Variants in LTBP1 observed in about 807,000 individuals in gnomAD.
The protein encoded by LTBP1 is latent-transforming growth factor beta-binding protein 1.
In LTBP1, 129 loss-of-function variants were observed where a neutral mutation model predicts 207.6. The ratio of observed to expected loss-of-function variants is 0.62; its 90% CI spans 0.54 to 0.72. The LOEUF (loss-of-function observed/expected upper bound fraction) is 0.72, where lower values mean the gene tolerates loss of function less well. Ranked by LOEUF, LTBP1 falls within the 30% of genes least tolerant of loss-of-function variation. LTBP1 has a pLI of 0.00. For missense variants in LTBP1, 2,281 were observed against 2,217.2 expected, an observed-to-expected ratio of 1.03 and a Z score of -0.58; for synonymous variants, 963 against 833.7, an observed-to-expected ratio of 1.16 and a Z score of -2.67.
chr2:33,267,858 G>C (rs1183713673), intron 15 of LTBP1, among the ~76,000 whole-genome samples: 1 of 152,144 alleles, frequency 6.6e-6, no homozygotes, highest in Non-Finnish European at 1.5e-5. Context: ...TGCAGAGCTG[G>C]TTAAAAAAAC....
At chr2:33,215,140 T>TATA (rs200898473) in intron 7 of LTBP1, among the ~76,000 whole-genome samples, 1 of 152,010 alleles carries the variant, frequency 6.6e-6, no homozygotes. Flanking sequence ...AGCTTTTATC[T>TATA]ATAATAATAA....
At chr2:33,091,470 G>C (rs116511611) in intron 3 of LTBP1, among the ~76,000 whole-genome samples, 1 of 152,138 alleles carries the variant, frequency 6.6e-6, no homozygotes. Flanking sequence ...AAGAGCTGAG[G>C]TTCCTACGTA....
intron 5 of LTBP1, among the ~76,000 whole-genome samples, chr2:33,143,698 C>A (rs543685755): frequency 1.3e-5 from 2 of 152,232 alleles, no homozygotes; most frequent in South Asian, 4.1e-4. Flanking sequence ...TTCCTGCTCC[C>A]GCTCTTGCAT....
chr2:33,336,620 C>T (rs1277913845), intron 24 of LTBP1, among the ~76,000 whole-genome samples: 1 of 152,102 alleles, frequency 6.6e-6, no homozygotes, highest in Non-Finnish European at 1.5e-5. Context: ...TATCCATTAC[C>T]AAAAAATGAC....
rs1558324005 is a variant in LTBP1, at chr2:33,378,214, TG to T, written c.4712-10969del. On this transcript the variant is annotated intron_variant, in intron 31 of 33. Transcript: ENST00000404816. ...GTGTGTGTGTGTGTGTGTGTGTGTG[TG>T]TGTGTGTTTTGTTTGTTTGTTTGTT... Among the ~76,000 whole-genome samples, 34 of 150,514 alleles carry T rather than the reference TG, an allele frequency of 2.3e-4. No individual in the cohort carries two copies. The South Asian group carries it at 3.2e-3, about 14-fold the overall frequency.
chr2:33,249,323 T>TCACACA (rs61249844), intron 10 of LTBP1, among the ~76,000 whole-genome samples: 13,129 of 141,234 alleles, frequency 0.093, 657 homozygotes, highest in Non-Finnish European at 0.1. Context: ...GTCTGATTTT[T>TCACACA]CACACACACA....
chr2:32,958,193 G>A (rs188695784), intron 2 of LTBP1, among the ~76,000 whole-genome samples: 3 of 152,332 alleles, frequency 2.0e-5, no homozygotes, highest in African/African-American at 4.8e-5. Context: ...GCAGGGCTAA[G>A]TTAACTCCAT....
At chr2:33,154,406 C>T (rs1322382878) in intron 5 of LTBP1, among the ~76,000 whole-genome samples, 1 of 152,116 alleles carries the variant, frequency 6.6e-6, no homozygotes, top group Non-Finnish European at 1.5e-5. Flanking sequence ...CTGTCTTCTC[C>T]CAGAATCTGA....
intron 5 of LTBP1, among the ~76,000 whole-genome samples, chr2:33,136,088 A>G (rs575686590): frequency 2.6e-5 from 4 of 152,316 alleles, no homozygotes; most frequent in East Asian, 1.9e-4. Context: ...GTGACTCCCA[A>G]TCCTTAGGAG....
At chr2:33,379,966 C>T (rs181811956) in intron 31 of LTBP1, among the ~76,000 whole-genome samples, 217 of 152,190 alleles carry the variant, frequency 1.4e-3, no homozygotes, top group Middle Eastern at 0.014. Flanking sequence ...GATTAAAATA[C>T]GTTAAAACAC....
In LTBP1 at chr2:33,110,618, C is replaced by G; in HGVS notation, c.900C>G (p.His300Gln). Residue 300 changes from histidine (H) to glutamine (Q), a missense_variant, in exon 4 of 34, where the codon CAC becomes CAG. His to Gln is a conservative substitution (Grantham distance 24). Around this residue, in one of 3 missense-constraint regions of LTBP1, gnomAD observed 555 missense variants for 491.0 expected, o/e 1.13. Coordinates refer to ENST00000404816, the MANE Select transcript of LTBP1 (RefSeq NM_206943.4). The stretch of plus-strand genomic sequence containing the variant: ...TTTCTTCCCAGAGTGTGGTGATTCA[C>G]CATGGCCAGACCCAGGAATACGTGC... ...TPLSSQSVVI[H>Q]HGQTQEYVLK... 1 of 1,614,128 alleles carries G rather than the reference C, an allele frequency of 6.2e-7. No individual in the cohort carries two copies. Among genetic ancestry groups the G allele is most frequent in the South Asian group, 1.1e-5 (1 of 91,074 alleles).
At chr2:33,124,194 A>C (rs893227653) in intron 4 of LTBP1, among the ~76,000 whole-genome samples, 8 of 152,204 alleles carry the variant, frequency 5.3e-5, no homozygotes, top group African/African-American at 1.9e-4. Flanking sequence ...AGATCACTTC[A>C]GGTCAGGAGT....
intron 5 of LTBP1, among the ~76,000 whole-genome samples, chr2:33,173,251 C>A (rs2085650456): frequency 6.6e-6 from 1 of 151,670 alleles, no homozygotes; most frequent in South Asian, 2.1e-4. Context: ...AATTGATAGA[C>A]CGCTAGCAAG....
At chr2:33,106,075 A>G (rs1210705371) in intron 3 of LTBP1, among the ~76,000 whole-genome samples, 1 of 152,134 alleles carries the variant, frequency 6.6e-6, no homozygotes, top group African/African-American at 2.4e-5. Context: ...TCAAGAAACC[A>G]TGTTTCTTTG....
intron 5 of LTBP1, among the ~76,000 whole-genome samples, chr2:33,178,226 G>A (rs1440637670): frequency 1.3e-5 from 2 of 152,202 alleles, no homozygotes; most frequent in Non-Finnish European, 2.9e-5. Flanking sequence ...GAGCCTTGAG[G>A]TTTAGGAATC....
intron 3 of LTBP1, among the ~76,000 whole-genome samples, chr2:33,097,805 T>C (rs1040928246): frequency 1.3e-5 from 2 of 152,234 alleles, no homozygotes; most frequent in African/African-American, 4.8e-5. Context: ...GATTCATTTT[T>C]AGTGGTTATA....
intron 5 of LTBP1, among the ~76,000 whole-genome samples, chr2:33,174,363 C>T (rs1024224210): frequency 6.6e-6 from 1 of 152,056 alleles, no homozygotes; most frequent in African/African-American, 2.4e-5. Flanking sequence ...ACACCAATAA[C>T]AGACAAACAG....
At chr2:33,232,941 T>C (rs1452428474) in intron 9 of LTBP1, among the ~76,000 whole-genome samples, 2 of 152,182 alleles carry the variant, frequency 1.3e-5, no homozygotes, top group Non-Finnish European at 2.9e-5. Flanking sequence ...TTCTGTGTTT[T>C]GACACCTCTT....
intron 30 of LTBP1, among the ~76,000 whole-genome samples, chr2:33,364,598 C>T (rs2094962343): frequency 6.6e-6 from 1 of 152,156 alleles, no homozygotes. Context: ...GAGCAGATGG[C>T]AGGGTTGTTC....
Sources: gnomAD v4.1 joint callset for allele counts (sites outside exome capture counted in the v4.1 genomes callset) on GRCh38, gnomAD v4.1.1 for gene constraint, gnomAD v4.1.1 regional missense constraint, MANE v1.5 for transcripts, NCBI Gene and HGNC (gene_info 2026-07-23, HGNC 2026-07-21) for gene names.